Variants in PDE7B observed in about 807,000 individuals in gnomAD.
PDE7B encodes phosphodiesterase 7B, also known as 3',5'-cyclic-AMP phosphodiesterase 7B.
In PDE7B, 29 loss-of-function variants were observed where a neutral mutation model predicts 56.2. The ratio of observed to expected loss-of-function variants is 0.52; its 90% CI spans 0.38 to 0.70. PDE7B has a LOEUF of 0.70. PDE7B is among the 30% of genes least tolerant of loss of function. The pLI is 0.00. For synonymous variants in PDE7B, 197 were observed against 196.9 expected, an observed-to-expected ratio of 1.00 and a Z score of 0.00; for missense variants, 490 against 565.0, an observed-to-expected ratio of 0.87 and a Z score of 1.35.
At chr6:136,185,623 A>G (rs1166816973) in intron 11 of PDE7B, among the ~76,000 whole-genome samples, 1 of 151,896 alleles carries the variant, frequency 6.6e-6, no homozygotes, top group Non-Finnish European at 1.5e-5. Flanking sequence ...ATATTAGCCA[A>G]GAGTGGTGGT....
intron 1 of PDE7B, among the ~76,000 whole-genome samples, chr6:135,894,500 T>C (rs1450078969): frequency 6.6e-6 from 1 of 152,108 alleles, no homozygotes; most frequent in Non-Finnish European, 1.5e-5. Flanking sequence ...AATAGGTGAT[T>C]TGGGGTAAGG....
chr6:135,962,443 G>C (rs956221695), intron 2 of PDE7B, among the ~76,000 whole-genome samples: 1 of 152,066 alleles, frequency 6.6e-6, no homozygotes, highest in Non-Finnish European at 1.5e-5. Flanking sequence ...AATTCAAGAA[G>C]CGTTTTTGCT....
chr6:135,993,595 T>C (rs146299151), intron 2 of PDE7B, among the ~76,000 whole-genome samples: 60 of 152,326 alleles, frequency 3.9e-4, no homozygotes, highest in East Asian at 2.7e-3. Flanking sequence ...TTGACAGTCC[T>C]AACCATTTCT....
intron 10 of PDE7B, 116 bp downstream of exon 10, chr6:136,179,257 C>G: frequency 2.3e-6 from 2 of 866,622 alleles, no homozygotes; most frequent in South Asian, 1.6e-5. Context: ...ATGGGGATCA[C>G]TTGAGTCCAT....
intron 2 of PDE7B, among the ~76,000 whole-genome samples, chr6:136,017,528 C>T (rs1193910961): frequency 7.1e-6 from 1 of 140,016 alleles, no homozygotes; most frequent in Non-Finnish European, 1.5e-5. Context: ...GTGTGATGTT[C>T]CCCTTCTTGT....
chr6:135,915,162 A>G (rs553717075), intron 1 of PDE7B, among the ~76,000 whole-genome samples: 1 of 151,944 alleles, frequency 6.6e-6, no homozygotes, highest in East Asian at 1.9e-4. Context: ...TTATTATTCT[A>G]ATGTGTGTAT....
intron 1 of PDE7B, among the ~76,000 whole-genome samples, chr6:135,895,301 C>G (rs1180697710): frequency 2.0e-5 from 3 of 152,102 alleles, no homozygotes; most frequent in Non-Finnish European, 4.4e-5. Flanking sequence ...TTTTCAAAGT[C>G]AATGTTGTTT....
intron 1 of PDE7B, among the ~76,000 whole-genome samples, chr6:135,892,164 A>G (rs959555447): frequency 6.6e-6 from 1 of 152,120 alleles, no homozygotes; most frequent in South Asian, 2.1e-4. Context: ...TTTGAGTGGT[A>G]TTTGTAGAAA....
intron 2 of PDE7B, among the ~76,000 whole-genome samples, chr6:135,970,572 C>T (rs1775077333): frequency 6.6e-6 from 1 of 152,184 alleles, no homozygotes; most frequent in Non-Finnish European, 1.5e-5. Flanking sequence ...CAAGTTCCCA[C>T]TGATGCTGAT....
intron 1 of PDE7B, among the ~76,000 whole-genome samples, chr6:135,883,847 T>C (rs1389677485): frequency 3.9e-5 from 6 of 152,168 alleles, no homozygotes; most frequent in Admixed American, 3.9e-4. Flanking sequence ...TGTACTCAGA[T>C]CACCAGTGAA....
At chr6:136,124,411 G>C (rs143253844) in intron 3 of PDE7B, among the ~76,000 whole-genome samples, 1 of 152,082 alleles carries the variant, frequency 6.6e-6, no homozygotes, top group Non-Finnish European at 1.5e-5. Context: ...TATAAGCAAA[G>C]CATCGACAAA....
intron 1 of PDE7B, among the ~76,000 whole-genome samples, chr6:135,940,888 T>C (rs1056599447): frequency 3.7e-4 from 57 of 152,372 alleles, no homozygotes; most frequent in African/African-American, 1.3e-3. Flanking sequence ...ATTCATTCAT[T>C]TAATTAACAT....
At chr6:136,024,437 A>G (rs1416072943) in intron 2 of PDE7B, among the ~76,000 whole-genome samples, 2 of 151,382 alleles carry the variant, frequency 1.3e-5, no homozygotes, top group African/African-American at 4.9e-5. Context: ...TCTCCTGACC[A>G]CTTCCCACCA....
chr6:135,889,541 A>T (rs1280581373), intron 1 of PDE7B, among the ~76,000 whole-genome samples: 1 of 149,432 alleles, frequency 6.7e-6, no homozygotes, highest in East Asian at 2.0e-4. Context: ...CCTGGGTTCA[A>T]GTGATTCTCC....
rs1779254645 is a variant in PDE7B at position 136,193,025 on chromosome 6, G to A, written c.*1185G>A. 2 of 152,562 alleles carry A rather than the reference G, an allele frequency of 1.3e-5. No homozygotes were observed. 9.5% of individuals were successfully genotyped at this position (152,562 alleles called of 1,614,324 possible). ...CCAAGCATCGTTTCCTCAGATTAAT[G>A]AGACCCTTCAACAAGCCTGAATCAG... On this transcript the variant is annotated 3_prime_UTR_variant, in exon 13 of 13. Transcript: ENST00000308191.
At chr6:135,955,141 A>G (rs1283991842) in intron 2 of PDE7B, among the ~76,000 whole-genome samples, 1 of 152,120 alleles carries the variant, frequency 6.6e-6, no homozygotes, top group Non-Finnish European at 1.5e-5. Context: ...ATAGATACAC[A>G]TTGTGTGCCA....
At chr6:135,889,750 A>ATT (rs35311247) in intron 1 of PDE7B, among the ~76,000 whole-genome samples, 124 of 74,812 alleles carry the variant, frequency 1.7e-3, no homozygotes, top group Non-Finnish European at 2.3e-3. Flanking sequence ...CGGTGCTACC[A>ATT]TTTTTTTTTT....
chr6:135,936,994 G>C (rs1774432287), intron 1 of PDE7B, among the ~76,000 whole-genome samples: 1 of 152,200 alleles, frequency 6.6e-6, no homozygotes, highest in Non-Finnish European at 1.5e-5. Context: ...ACTAAGAAGG[G>C]AGTCAGAGTG....
intron 2 of PDE7B, chr6:136,035,133 G>A (rs550363814): frequency 3.3e-5 from 5 of 152,226 alleles, no homozygotes; most frequent in African/African-American, 1.2e-4. Context: ...TTACCTAGAT[G>A]GGTCTTCTCT....
Sources: allele counts gnomAD v4.1 joint callset (sites outside exome capture counted in the v4.1 genomes callset), GRCh38; gene constraint gnomAD v4.1.1; transcripts MANE v1.5; gene names NCBI Gene and HGNC (gene_info 2026-07-23, HGNC 2026-07-21).